RIMS2: variants seen among roughly 807,000 people sequenced by gnomAD.
RIMS2 encodes regulating synaptic membrane exocytosis 2.
In RIMS2, 59 loss-of-function variants were observed where a neutral mutation model predicts 174.4. The observed-to-expected ratio is 0.34, with a 90% CI of 0.27 to 0.42. The LOEUF is 0.42. Among genes scored for constraint, RIMS2 ranks in the 10% least tolerant of loss-of-function variants. The pLI is 1.00. For synonymous variants in RIMS2, 606 were observed against 572.5 expected, an observed-to-expected ratio of 1.06 and a Z score of -0.84; for missense variants, 1,620 against 1,666.3, an observed-to-expected ratio of 0.97 and a Z score of 0.48.
rs1366362910 is a variant in RIMS2 at position 103,591,689 on chromosome 8, G to A, written c.176+90627G>A. ...ACAAAATTTTTTTCCTCAATGGAGT[G>A]CTTCAGTGTTTTTGTAGAAAATCAA... On this transcript the variant is annotated intron_variant, in intron 1 of 23. Coordinates refer to ENST00000504942, the Ensembl canonical transcript of RIMS2. 3.3e-5 allele frequency among the ~76,000 whole-genome samples: 5 copies of A among 151,068 alleles called. No individual in the cohort carries two copies. In the East Asian group the frequency reaches 9.6e-4, roughly 29 times the overall value.
chr8:104,146,975 G>A (rs1017608534), intron 19 of RIMS2, among the ~76,000 whole-genome samples: 2 of 152,070 alleles, frequency 1.3e-5, no homozygotes, highest in African/African-American at 4.8e-5. Context: ...TATTACAGAC[G>A]TGAGCCACTG....
intron 19 of RIMS2, among the ~76,000 whole-genome samples, chr8:104,209,441 C>T (rs757206406): frequency 6.6e-5 from 10 of 152,162 alleles, no homozygotes; most frequent in Non-Finnish European, 1.5e-4. Flanking sequence ...CTTAGAGGAA[C>T]AAGAGAACTA....
At chr8:104,165,672 A>T (rs1165812636) in intron 19 of RIMS2, among the ~76,000 whole-genome samples, 1 of 151,766 alleles carries the variant, frequency 6.6e-6, no homozygotes, top group Non-Finnish European at 1.5e-5. Flanking sequence ...TTCTTAAAAT[A>T]GTCCACTTTA....
At chr8:103,922,920 G>A (rs115024927) in intron 10 of RIMS2, among the ~76,000 whole-genome samples, 1,632 of 151,944 alleles carry the variant, frequency 0.011, 36 homozygotes, top group African/African-American at 0.037. Context: ...TAACAGAAAA[G>A]TTATGTAAGG....
chr8:104,174,033 G>A (rs2098850252), intron 19 of RIMS2, among the ~76,000 whole-genome samples: 1 of 151,554 alleles, frequency 6.6e-6, no homozygotes, highest in Non-Finnish European at 1.5e-5. Flanking sequence ...TGCAATCTCT[G>A]CCTCCTTGGT....
intron 2 of RIMS2, among the ~76,000 whole-genome samples, chr8:103,735,392 A>G (rs975067602): frequency 1.1e-4 from 16 of 152,146 alleles, no homozygotes; most frequent in African/African-American, 3.9e-4. Flanking sequence ...ATTTTATTTC[A>G]TATATGTTTA....
chr8:103,845,075 A>C (rs1218734615), intron 3 of RIMS2, among the ~76,000 whole-genome samples: 1 of 152,072 alleles, frequency 6.6e-6, no homozygotes, highest in Non-Finnish European at 1.5e-5. Context: ...AACAAAATAA[A>C]ATCTTATATT....
At position 103,925,018 on chromosome 8, in the gene RIMS2, C is replaced by T. The variant is rs149153907; in HGVS notation, c.2197-2824C>T. 6.6e-3 allele frequency among the ~76,000 whole-genome samples: 997 copies of T among 151,624 alleles called. 5 individuals carry two copies. The highest frequency in any genetic ancestry group is 0.023 in the African/African-American group (943 of 41,508). On this transcript the variant is annotated intron_variant, in intron 10 of 23. Coordinates refer to ENST00000504942, the Ensembl canonical transcript of RIMS2. ...ACTCCATTTTTAATATGTGTTCTTC[C>T]AGAATTTAGCAGTTTTTTCCTTCTG...
rs1683060315 is a variant in RIMS2 at position 104,061,699 on chromosome 8, A to G, written c.3334+47084A>G. 2.0e-5 allele frequency among the ~76,000 whole-genome samples: 3 copies of G among 151,140 alleles called. No homozygotes were observed. The South Asian group carries it at 6.2e-4, about 31-fold the overall frequency. ...ATTTTTACTGTTTAATCTGTTTTATAATTACTAATTGCAATATATTTATAG... is the reference window on the plus strand; with the variant it reads ...ATTTTTACTGTTTAATCTGTTTTATGATTACTAATTGCAATATATTTATAG... On this transcript the variant is annotated intron_variant, in intron 19 of 23. Coordinates refer to ENST00000504942, the Ensembl canonical transcript of RIMS2.
chr8:103,555,633 G>A (rs1850074476), intron 1 of RIMS2, among the ~76,000 whole-genome samples: 1 of 151,982 alleles, frequency 6.6e-6, no homozygotes, highest in African/African-American at 2.4e-5. Flanking sequence ...ATCAACAGAT[G>A]AATAAAGAAA....
chr8:103,612,675 T>C (rs2095410843), intron 1 of RIMS2, among the ~76,000 whole-genome samples: 1 of 152,060 alleles, frequency 6.6e-6, no homozygotes, highest in Admixed American at 6.5e-5. Context: ...GCCTACTGGG[T>C]TCAAGCAATT....
chr8:104,184,817 T>C (rs2098959586), intron 19 of RIMS2, among the ~76,000 whole-genome samples: 2 of 151,592 alleles, frequency 1.3e-5, no homozygotes, highest in Admixed American at 1.3e-4. Context: ...TCAAGTCAAT[T>C]GACACTCATC....
At chr8:104,147,231 G>A (rs765340208) in intron 19 of RIMS2, among the ~76,000 whole-genome samples, 7 of 150,210 alleles carry the variant, frequency 4.7e-5, no homozygotes, top group Non-Finnish European at 8.9e-5. Flanking sequence ...ACCCACCTGC[G>A]CCTTCTCTCT....
At chr8:104,203,647 G>A (rs2137158343) in intron 19 of RIMS2, among the ~76,000 whole-genome samples, 1 of 151,888 alleles carries the variant, frequency 6.6e-6, no homozygotes, top group Non-Finnish European at 1.5e-5. Context: ...GGAATCACAG[G>A]CACCCACTAC....
chr8:104,213,443 G>A (rs1006097455), intron 19 of RIMS2, among the ~76,000 whole-genome samples: 1 of 152,120 alleles, frequency 6.6e-6, no homozygotes, highest in African/African-American at 2.4e-5. Flanking sequence ...GTGATTATTT[G>A]TTAACATCTG....
intron 19 of RIMS2, among the ~76,000 whole-genome samples, chr8:104,026,097 T>G (rs1275988706): frequency 6.6e-6 from 1 of 152,194 alleles, no homozygotes; most frequent in Non-Finnish European, 1.5e-5. Context: ...AGTAGATTTT[T>G]GGAAATTAGT....
intron 19 of RIMS2, among the ~76,000 whole-genome samples, chr8:104,196,190 A>C (rs986628843): frequency 6.6e-6 from 1 of 152,152 alleles, no homozygotes; most frequent in Non-Finnish European, 1.5e-5. Flanking sequence ...ACAAAGACCA[A>C]ATTCCAAAGT....
chr8:103,712,603 T>A (rs1278283032), intron 2 of RIMS2, among the ~76,000 whole-genome samples: 1 of 152,168 alleles, frequency 6.6e-6, no homozygotes, highest in African/African-American at 2.4e-5. Context: ...TAAGGAAGAT[T>A]AATAATAGAA....
intron 1 of RIMS2, among the ~76,000 whole-genome samples, chr8:103,687,011 A>G (rs1041904718): frequency 3.3e-5 from 5 of 152,136 alleles, no homozygotes; most frequent in Non-Finnish European, 5.9e-5. Context: ...GGGAGAGACT[A>G]TGTAGAATTG....
Sources: allele counts gnomAD v4.1 joint callset (sites outside exome capture counted in the v4.1 genomes callset), GRCh38; gene constraint gnomAD v4.1.1; transcripts MANE v1.5; gene names NCBI Gene and HGNC (gene_info 2026-07-23, HGNC 2026-07-21).